The following UBE4B variants were observed in gnomAD, a reference collection of about 807,000 sequenced individuals.
The protein encoded by UBE4B is ubiquitination factor E4B, also known as ubiquitin conjugation factor E4 B.
In UBE4B, 27 loss-of-function variants were observed where a neutral mutation model predicts 148.1. The observed-to-expected ratio is 0.18, with a 90% CI of 0.13 to 0.25. The LOEUF is 0.25. Ranked by LOEUF, UBE4B falls within the 10% of genes least tolerant of loss-of-function variation. The probability of loss-of-function intolerance (pLI) is 1.00; values close to 1 mark genes in which losing one functional copy is unlikely to be tolerated. For synonymous variants in UBE4B, 596 were observed against 619.3 expected (o/e 0.96, Z 0.56); for missense variants, 1,170 against 1,662.4 (o/e 0.70, Z 5.15).
intron 5 of UBE4B, 135 bp downstream of exon 5, chr1:10,103,227 A>G: frequency 1.2e-6 from 1 of 835,998 alleles, no homozygotes; most frequent in Non-Finnish European, 1.8e-6. Context: ...ATACTTCTTG[A>G]TGAGGACACA....
At chr1:10,165,478 C>G (rs1184644757) in intron 23 of UBE4B, among the ~76,000 whole-genome samples, 2 of 152,166 alleles carry the variant, frequency 1.3e-5, no homozygotes, top group Non-Finnish European at 2.9e-5. Flanking sequence ...TCAGTCTGAT[C>G]AACATCACCA....
chr1:10,084,653 C>T (rs886433834), intron 2 of UBE4B, among the ~76,000 whole-genome samples: 8 of 151,796 alleles, frequency 5.3e-5, no homozygotes, highest in African/African-American at 1.2e-4. Flanking sequence ...GAGTTTTCTT[C>T]GCCATCTCCC....
intron 7 of UBE4B, among the ~76,000 whole-genome samples, chr1:10,115,164 CTT>C (rs5772396): frequency 5.3e-4 from 72 of 136,964 alleles, no homozygotes; most frequent in African/African-American, 8.5e-4. Context: ...TAATACCATA[CTT>C]TTTTTTTTTT....
chr1:10,101,595 G>C (rs1357869433), intron 4 of UBE4B, among the ~76,000 whole-genome samples: 1 of 128,538 alleles, frequency 7.8e-6, no homozygotes, highest in Non-Finnish European at 1.6e-5. Context: ...TGCAAGCTCC[G>C]CCTCCCAGGT....
At chr1:10,138,477 G>A (rs945369978) in intron 17 of UBE4B, among the ~76,000 whole-genome samples, 5 of 151,980 alleles carry the variant, frequency 3.3e-5, no homozygotes, top group Admixed American at 6.6e-5. Context: ...CAGGCGATCC[G>A]ACTGCCTCCG....
In UBE4B at chr1:10,148,257, G is replaced by T. The variant is rs533995416; in HGVS notation, c.2592-927G>T. On this transcript the variant is annotated intron_variant, in intron 19 of 27. Coordinates refer to ENST00000343090, the MANE Select transcript of UBE4B (RefSeq NM_001105562.3). The stretch of plus-strand genomic sequence containing the variant: ...AAAAAAAAATGTGTGTAGCTCTGTT[G>T]TTTCCGTTTGAGTTGCACAAAATGA... 1.5e-3 allele frequency among the ~76,000 whole-genome samples: 221 copies of T among 151,468 alleles called. 1 individual carries two copies. Among genetic ancestry groups the T allele is most frequent in the African/African-American group, 4.9e-3 (203 of 41,270 alleles).
At chr1:10,035,461 A>G (rs529049705) in intron 1 of UBE4B, among the ~76,000 whole-genome samples, 127 of 118,174 alleles carry the variant, frequency 1.1e-3, no homozygotes, top group African/African-American at 4.2e-3. Context: ...CAGTGGCGCT[A>G]TCTCAGCTCA....
At chr1:10,174,943 T>C (rs896805130) in intron 25 of UBE4B, among the ~76,000 whole-genome samples, 2 of 152,050 alleles carry the variant, frequency 1.3e-5, no homozygotes, top group Admixed American at 6.6e-5. Flanking sequence ...AGTATCTTAG[T>C]TTGCTTTGGT....
At chr1:10,151,668 C>T in intron 21 of UBE4B, 107 bp downstream of exon 21, 1 of 947,810 alleles carries the variant, frequency 1.1e-6, no homozygotes, top group East Asian at 2.5e-5. Flanking sequence ...ATCCTGCTAC[C>T]TGTGTGTATA....
At chr1:10,095,424 C>T in intron 2 of UBE4B, 37 bp from the exon 3 acceptor site, 3 of 1,609,470 alleles carry the variant, frequency 1.9e-6, no homozygotes, top group South Asian at 1.1e-5. Flanking sequence ...AACATTATTT[C>T]ACATGGGGCT....
chr1:10,167,587 G>A (rs919649577), intron 23 of UBE4B, among the ~76,000 whole-genome samples: 3 of 145,862 alleles, frequency 2.1e-5, no homozygotes, highest in Non-Finnish European at 4.5e-5. Flanking sequence ...AGTTGATGGT[G>A]ACTTTTTTTT....
At chr1:10,040,852 T>A (rs2101771372) in intron 1 of UBE4B, among the ~76,000 whole-genome samples, 1 of 152,000 alleles carries the variant, frequency 6.6e-6, no homozygotes, top group South Asian at 2.1e-4. Flanking sequence ...ACTCTTGACC[T>A]TAGGTGATCT....
chr1:10,112,884 A>G (rs1645245009), intron 7 of UBE4B, among the ~76,000 whole-genome samples: 1 of 152,160 alleles, frequency 6.6e-6, no homozygotes, highest in Non-Finnish European at 1.5e-5. Context: ...GATTAATATT[A>G]TAATTTTGAA....
At chr1:10,081,901 G>A (rs918540006) in intron 2 of UBE4B, among the ~76,000 whole-genome samples, 4 of 152,174 alleles carry the variant, frequency 2.6e-5, no homozygotes, top group African/African-American at 9.7e-5. Context: ...TATTTGTGCA[G>A]ACAAGTTCTC....
chr1:10,131,404 G>A (rs1175020777), intron 14 of UBE4B, among the ~76,000 whole-genome samples: 1 of 152,108 alleles, frequency 6.6e-6, no homozygotes, highest in Non-Finnish European at 1.5e-5. Context: ...AGGATCACTT[G>A]AACCCAGGAG....
At chr1:10,123,579 C>T (rs1048943876) in intron 10 of UBE4B, among the ~76,000 whole-genome samples, 1 of 151,946 alleles carries the variant, frequency 6.6e-6, no homozygotes, top group Non-Finnish European at 1.5e-5. Context: ...ATAAAATCAG[C>T]CCAGTGACCA....
At chr1:10,089,582 A>G (rs1326220348) in intron 2 of UBE4B, among the ~76,000 whole-genome samples, 3 of 152,196 alleles carry the variant, frequency 2.0e-5, no homozygotes, top group Non-Finnish European at 1.5e-5. Context: ...TTTTCCGTGA[A>G]TATTAACGCT....
Position 10,130,564 on chromosome 1 carries a change from G to A in UBE4B, c.1760G>A (p.Arg587Lys). Residue 587 changes from arginine to lysine, a missense_variant, in exon 13 of 28, where the codon AGA (arginine) becomes AAA (lysine). Physicochemically the swap from Arg to Lys is conservative, Grantham distance 26. Coordinates refer to ENST00000343090, the MANE Select transcript of UBE4B (RefSeq NM_001105562.3). ...LSPGCGRELQ[R>K]LSYLGAFFSF... is the part of the protein sequence containing the mutation. ...CCTGGCTGTGGGCGGGAGCTGCAGA[G>A]ACTCTCTTACTTAGGGGCTTTCTTT... The A allele has an allele frequency of 6.2e-7, 1 of 1,614,214 alleles. No homozygotes were observed. The highest frequency in any genetic ancestry group is 8.5e-7 in the Non-Finnish European group (1 of 1,180,052).
chr1:10,071,576 A>G (rs1644485093), intron 1 of UBE4B, among the ~76,000 whole-genome samples: 2 of 152,038 alleles, frequency 1.3e-5, no homozygotes, highest in Admixed American at 1.3e-4. Context: ...TGACAGAGAG[A>G]CTCTCTCTAA....
Sources: gnomAD v4.1 joint callset for allele counts (sites outside exome capture counted in the v4.1 genomes callset) on GRCh38, gnomAD v4.1.1 for gene constraint, MANE v1.5 for transcripts, NCBI Gene and HGNC (gene_info 2026-07-23, HGNC 2026-07-21) for gene names.